Variants in TRAF2 observed in about 807,000 individuals in gnomAD.
The protein encoded by TRAF2 is TNF receptor associated factor 2.
TRAF2 carries 6 observed loss-of-function variants against 55.6 expected under a neutral mutation model. The ratio of observed to expected loss-of-function variants is 0.11; its 90% CI spans 0.06 to 0.21. The LOEUF is 0.21. Ranked by LOEUF, TRAF2 falls within the 10% of genes least tolerant of loss-of-function variation. The pLI is 1.00. For missense variants in TRAF2, 561 were observed against 684.5 expected, an observed-to-expected ratio of 0.82 and a Z score of 2.01; for synonymous variants, 329 against 276.3, an observed-to-expected ratio of 1.19 and a Z score of -1.89.
chr9:136,895,538 A>G (rs1158743909), intron 1 of TRAF2, among the ~76,000 whole-genome samples: 1 of 152,204 alleles, frequency 6.6e-6, no homozygotes, highest in Non-Finnish European at 1.5e-5. Flanking sequence ...TGGAGAAAAA[A>G]GGGAAAATGC....
chr9:136,886,388 C>T (rs1368365538), upstream of TRAF2: 27 of 986,964 alleles, frequency 2.7e-5, no homozygotes, highest in Non-Finnish European at 3.3e-5. Flanking sequence ...CGGGGCGTAT[C>T]TGGCCAATGG....
chr9:136,895,633 C>T (rs17250113), intron 1 of TRAF2, among the ~76,000 whole-genome samples: 1,895 of 152,308 alleles, frequency 0.012, 39 homozygotes, highest in African/African-American at 0.044. Flanking sequence ...GGTTGGATCA[C>T]ATGAGGCCAG....
At chr9:136,918,244 TATATATATATATATTTATTTAA>T (rs1280558168) in intron 7 of TRAF2, among the ~76,000 whole-genome samples, 2 of 45,842 alleles carry the variant, frequency 4.4e-5, no homozygotes, top group African/African-American at 3.2e-4. Context: ...TATATATATA[TATATATATATATATTTATTTAA>T]TTAATTAATT....
At chr9:136,911,795 G>T (rs1850112741) in intron 6 of TRAF2, among the ~76,000 whole-genome samples, 1 of 151,002 alleles carries the variant, frequency 6.6e-6, no homozygotes, top group African/African-American at 2.4e-5. Flanking sequence ...TGCTGAGAGT[G>T]CTCTCAGGTG....
At chr9:136,907,989 C>T (rs988017471) in intron 4 of TRAF2, 81 bp from the exon 5 acceptor site, 43 of 1,519,676 alleles carry the variant, frequency 2.8e-5, no homozygotes, top group South Asian at 1.6e-4. Context: ...AGCGCTACAT[C>T]GCCTTGTGTC....
intron 6 of TRAF2, among the ~76,000 whole-genome samples, chr9:136,915,213 C>T (rs1259655008): frequency 3.9e-5 from 6 of 152,130 alleles, no homozygotes. Flanking sequence ...AAAATGGTTA[C>T]ATGGCACCAA....
At chr9:136,902,676 T>C (rs1039455978) in intron 4 of TRAF2, among the ~76,000 whole-genome samples, 1 of 152,162 alleles carries the variant, frequency 6.6e-6, no homozygotes, top group African/African-American at 2.4e-5. Flanking sequence ...GGCTGTGGCC[T>C]TTGATTTTGT....
intron 9 of TRAF2, among the ~76,000 whole-genome samples, chr9:136,923,082 G>C (rs1850434795): frequency 6.6e-6 from 1 of 152,164 alleles, no homozygotes; most frequent in Non-Finnish European, 1.5e-5. Context: ...CCGGGTTCTG[G>C]CTGTCACTCA....
At chr9:136,902,992 G>GA (rs1849857130) in intron 4 of TRAF2, among the ~76,000 whole-genome samples, 1 of 8,414 alleles carries the variant, frequency 1.2e-4, no homozygotes, top group Non-Finnish European at 2.2e-4. Context: ...TTTTTGAGAC[G>GA]GTCTTGCTCT....
intron 6 of TRAF2, among the ~76,000 whole-genome samples, chr9:136,910,255 C>T (rs894549905): frequency 6.6e-6 from 1 of 152,232 alleles, no homozygotes; most frequent in Non-Finnish European, 1.5e-5. Context: ...CAGGTCACTT[C>T]CTAGTTATCC....
At chr9:136,883,983 C>T (rs1039677614), upstream of TRAF2, among the ~76,000 whole-genome samples, 2 of 151,928 alleles carry the variant, frequency 1.3e-5, no homozygotes, top group Non-Finnish European at 2.9e-5. Flanking sequence ...TACCACCATG[C>T]CCAGCTAATT....
intron 3 of TRAF2, 94 bp downstream of exon 3, chr9:136,899,766 T>G: frequency 8.0e-7 from 1 of 1,243,894 alleles, no homozygotes; most frequent in African/African-American, 1.5e-5. Flanking sequence ...GGCTCACACC[T>G]GTAATCCCAG....
intron 6 of TRAF2, among the ~76,000 whole-genome samples, chr9:136,911,919 G>A (rs1206361601): frequency 7.1e-6 from 1 of 141,190 alleles, no homozygotes; most frequent in Non-Finnish European, 1.5e-5. Context: ...GCGAGATCTC[G>A]GTTCACTGCA....
At chr9:136,900,959 T>C (rs1849806767) in intron 4 of TRAF2, among the ~76,000 whole-genome samples, 1 of 152,234 alleles carries the variant, frequency 6.6e-6, no homozygotes, top group South Asian at 2.1e-4. Context: ...GGGGTTTTTG[T>C]TGTGTCTCTT....
rs1236789551 is a variant in TRAF2 at position 136,893,459 on chromosome 9, A to G, written c.-28-5254A>G. On this transcript the variant is annotated intron_variant, in intron 1 of 10. Coordinates refer to ENST00000247668, the MANE Select transcript of TRAF2 (RefSeq NM_021138.4). ...CAGCCCTATTCAGGTCAGTGAGCGCAGGTCAGGGATGAGGTCGCTGCACTC... is the reference window on the plus strand; with the variant it reads ...CAGCCCTATTCAGGTCAGTGAGCGCGGGTCAGGGATGAGGTCGCTGCACTC... Among the ~76,000 whole-genome samples the G allele has an allele frequency of 2.0e-5, 3 of 152,208 alleles. No homozygotes were observed. The East Asian group carries it at 5.8e-4, about 29-fold the overall frequency.
intron 4 of TRAF2, among the ~76,000 whole-genome samples, chr9:136,906,793 T>TCTGC (rs1401706414): frequency 1.3e-5 from 2 of 152,244 alleles, no homozygotes; most frequent in Non-Finnish European, 2.9e-5. Flanking sequence ...GCACGTTCAG[T>TCTGC]CTGCCGGCAG....
intron 4 of TRAF2, among the ~76,000 whole-genome samples, chr9:136,904,464 G>A (rs1849899279): frequency 6.6e-6 from 1 of 152,100 alleles, no homozygotes; most frequent in Non-Finnish European, 1.5e-5. Context: ...GGAGTGCAGT[G>A]GCACGATCCC....
chr9:136,918,266 A>ATTTAT (rs1339521238), intron 7 of TRAF2, among the ~76,000 whole-genome samples: 19 of 15,730 alleles, frequency 1.2e-3, no homozygotes, highest in African/African-American at 3.7e-3. Context: ...TATTTATTTA[A>ATTTAT]TTAATTAATT....
chr9:136,906,175 G>C (rs1588430927), intron 4 of TRAF2, among the ~76,000 whole-genome samples: 1 of 152,274 alleles, frequency 6.6e-6, no homozygotes, highest in East Asian at 1.9e-4. Flanking sequence ...GTGCGTGCCT[G>C]TATTCCTATA....
Sources: gnomAD v4.1 joint callset for allele counts (sites outside exome capture counted in the v4.1 genomes callset) on GRCh38, gnomAD v4.1.1 for gene constraint, MANE v1.5 for transcripts, NCBI Gene and HGNC (gene_info 2026-07-23, HGNC 2026-07-21) for gene names.